The following NR3C2 variants were observed in gnomAD, a reference collection of about 807,000 sequenced individuals.
The protein encoded by NR3C2 is nuclear receptor subfamily 3 group C member 2, also known as mineralocorticoid receptor.
NR3C2 carries 15 observed loss-of-function variants against 86.4 expected under a neutral mutation model. That is an observed-to-expected ratio of 0.17 (90% CI 0.12 to 0.27). The LOEUF (loss-of-function observed/expected upper bound fraction) is 0.27, where lower values mean the gene tolerates loss of function less well. NR3C2 is among the 10% of genes least tolerant of loss of function. The pLI, the probability that NR3C2 is intolerant of heterozygous loss-of-function variation, is 1.00. For synonymous variants in NR3C2, 458 were observed against 450.5 expected (o/e 1.02, Z -0.21); for missense variants, 960 against 1,195.6 (o/e 0.80, Z 2.91).
chr4:148,082,958 C>T (rs1378161686), intron 8 of NR3C2, among the ~76,000 whole-genome samples: 6 of 152,076 alleles, frequency 3.9e-5, no homozygotes, highest in Non-Finnish European at 7.4e-5. Context: ...ACAGAGCCAC[C>T]GGGAAGTTCC....
chr4:148,105,674 C>G (rs555928328), intron 8 of NR3C2, among the ~76,000 whole-genome samples: 3 of 152,320 alleles, frequency 2.0e-5, no homozygotes, highest in Admixed American at 2.0e-4. Flanking sequence ...AAAAGCTTAT[C>G]CACCACGATC....
At chr4:148,104,347 T>TGG (rs1455239821) in intron 8 of NR3C2, among the ~76,000 whole-genome samples, 3 of 111,994 alleles carry the variant, frequency 2.7e-5, no homozygotes, top group African/African-American at 4.5e-5. Flanking sequence ...GTTTGGTTTT[T>TGG]TTTTTTTTTT....
At chr4:148,150,584 A>G (rs1734059631) in intron 6 of NR3C2, among the ~76,000 whole-genome samples, 1 of 152,234 alleles carries the variant, frequency 6.6e-6, no homozygotes, top group Non-Finnish European at 1.5e-5. Flanking sequence ...TGTGAAAAGG[A>G]TGACAGTTTA....
At chr4:148,317,357 A>C (rs559597885) in intron 2 of NR3C2, among the ~76,000 whole-genome samples, 107 of 97,664 alleles carry the variant, frequency 1.1e-3, no homozygotes, top group African/African-American at 5.8e-3. Context: ...CTCTGTCTCA[A>C]AAAAAAAAAG....
intron 3 of NR3C2, among the ~76,000 whole-genome samples, chr4:148,219,011 T>C (rs927612106): frequency 2.0e-5 from 3 of 152,194 alleles, no homozygotes; most frequent in African/African-American, 4.8e-5. Context: ...GTTAAGTGTA[T>C]GTTTAATATT....
At chr4:148,356,043 A>G (rs574490538) in intron 2 of NR3C2, among the ~76,000 whole-genome samples, 2 of 152,334 alleles carry the variant, frequency 1.3e-5, no homozygotes, top group African/African-American at 2.4e-5. Context: ...ACTGAGTGCC[A>G]CTATCAATCA....
At chr4:148,146,395 T>G (rs1000190154) in intron 6 of NR3C2, 1 of 152,656 alleles carries the variant, frequency 6.6e-6, no homozygotes, top group African/African-American at 2.4e-5. Context: ...CACAACCCAT[T>G]TGGAAGCCAG....
Position 148,436,700 on chromosome 4 carries a change from G to C in NR3C2, c.161C>G (p.Ala54Gly). 6.2e-7 allele frequency: 1 copy of C among 1,614,110 alleles called. No individual in the cohort carries two copies. The highest frequency in any genetic ancestry group is 1.1e-5 in the South Asian group (1 of 91,072). The stretch of plus-strand genomic sequence containing the variant: ...TCCTTGAGTACTGTTGTTTGGAATA[G>C]CACCGGAAACACAGCTTACGTTGAC... The part of the protein sequence containing the change: ...EIVNVSCVSG[A>G]IPNNSTQGSS... Residue 54 changes from alanine to glycine, a missense_variant, in exon 2 of 9, where the codon GCT becomes GGT. Physicochemically the swap from Ala to Gly is moderately conservative, Grantham distance 60 (BLOSUM62 0). This residue lies in a region of NR3C2 where 680 missense variants were observed against 719.0 expected (regional missense o/e 0.95). Coordinates refer to ENST00000358102, the MANE Select transcript of NR3C2 (RefSeq NM_000901.5).
chr4:148,215,524 G>C (rs1056788486), intron 3 of NR3C2, among the ~76,000 whole-genome samples: 22 of 152,146 alleles, frequency 1.4e-4, no homozygotes, highest in African/African-American at 4.8e-4. Context: ...CTGCATCACA[G>C]CAATGCCACA....
intron 2 of NR3C2, among the ~76,000 whole-genome samples, chr4:148,430,440 C>T (rs1749748072): frequency 6.6e-6 from 1 of 152,046 alleles, no homozygotes; most frequent in South Asian, 2.1e-4. Flanking sequence ...TATCACCACT[C>T]TTCCCAGAAA....
chr4:148,215,580 T>C (rs745789706), intron 3 of NR3C2, among the ~76,000 whole-genome samples: 2 of 152,144 alleles, frequency 1.3e-5, no homozygotes, highest in Non-Finnish European at 2.9e-5. Context: ...AAAATAGCTA[T>C]TGAATTTATG....
intron 6 of NR3C2, among the ~76,000 whole-genome samples, chr4:148,147,564 T>C (rs1476131108): frequency 6.6e-6 from 1 of 152,236 alleles, no homozygotes; most frequent in Non-Finnish European, 1.5e-5. Flanking sequence ...AGTCTGTGAC[T>C]TCAGTGAGGT....
intron 2 of NR3C2, among the ~76,000 whole-genome samples, chr4:148,418,679 C>T: frequency 6.6e-6 from 1 of 152,236 alleles, no homozygotes; most frequent in Admixed American, 6.5e-5. Context: ...AAACTAATAA[C>T]AATCAACAAT....
chr4:148,353,550 C>T (rs919799856), intron 2 of NR3C2, among the ~76,000 whole-genome samples: 1 of 152,018 alleles, frequency 6.6e-6, no homozygotes, highest in Non-Finnish European at 1.5e-5. Context: ...CAAAAGCATA[C>T]AATTTTTCCT....
chr4:148,147,779 G>A (rs1733935799), intron 6 of NR3C2, among the ~76,000 whole-genome samples: 1 of 152,208 alleles, frequency 6.6e-6, no homozygotes. Context: ...GAAAGCACGG[G>A]TAATGGCTCA....
intron 2 of NR3C2, among the ~76,000 whole-genome samples, chr4:148,304,197 C>G (rs1464612831): frequency 3.9e-5 from 6 of 152,140 alleles, no homozygotes; most frequent in African/African-American, 9.7e-5. Flanking sequence ...GTGGGACACT[C>G]CCCTCGGATG....
intron 8 of NR3C2, among the ~76,000 whole-genome samples, chr4:148,107,835 G>A (rs1040333024): frequency 3.3e-5 from 5 of 151,996 alleles, no homozygotes; most frequent in Non-Finnish European, 7.4e-5. Flanking sequence ...AACACAAACC[G>A]GGGCCTATTT....
In NR3C2 at chr4:148,435,097, A is replaced by C; in HGVS notation, c.1757+7T>G. ...GACTTCCAAAAAAATGGAGAAAACC[A>C]ACTTACCTTGATACATTTTCTGGAA... On this transcript the variant is annotated splice_region_variant and intron_variant, in intron 2 of 8. Coordinates refer to ENST00000358102, the MANE Select transcript of NR3C2 (RefSeq NM_000901.5). 6.2e-7 allele frequency: 1 copy of C among 1,614,168 alleles called. No individual in the cohort carries two copies. Among genetic ancestry groups the C allele is most frequent in the East Asian group, 2.2e-5 (1 of 44,888 alleles).
At chr4:148,141,442 T>TCACACA (rs112250631) in intron 6 of NR3C2, among the ~76,000 whole-genome samples, 30 of 143,294 alleles carry the variant, frequency 2.1e-4, no homozygotes, top group African/African-American at 7.8e-4. Flanking sequence ...TCTCTCCCTC[T>TCACACA]CTCTCACACA....
Sources: gnomAD v4.1 joint callset for allele counts (sites outside exome capture counted in the v4.1 genomes callset) on GRCh38, gnomAD v4.1.1 for gene constraint, gnomAD v4.1.1 regional missense constraint, MANE v1.5 for transcripts, NCBI Gene and HGNC (gene_info 2026-07-23, HGNC 2026-07-21) for gene names.